Variants in CHRNA7 observed in about 807,000 individuals in gnomAD.
CHRNA7 encodes neuronal acetylcholine receptor subunit alpha-7.
A neutral mutation model predicts 48.0 loss-of-function variants in CHRNA7; 17 were observed. That is an observed-to-expected ratio of 0.35 (90% CI 0.24 to 0.53). CHRNA7 has a LOEUF of 0.53. Among genes scored for constraint, CHRNA7 ranks in the 20% least tolerant of loss-of-function variants. CHRNA7 has a pLI of 0.92. For synonymous variants in CHRNA7, 75 were observed against 242.3 expected (o/e 0.31, Z 6.41); for missense variants, 155 against 577.7 (o/e 0.27, Z 7.50).
rs148048218 is a variant in CHRNA7, at chr15:32,083,198, G to A, written c.196-18105G>A. ...TAATAGGAGGTGATTAGCTAATAAT[G>A]ATTAATATTGTTATTGTAGGAGTGA... On this transcript the variant is annotated intron_variant, in intron 2 of 9. Coordinates refer to ENST00000306901, the MANE Select transcript of CHRNA7 (RefSeq NM_000746.6). 4.4e-3 allele frequency among the ~76,000 whole-genome samples: 664 copies of A among 152,318 alleles called. 6 individuals carry two copies. The highest frequency in any genetic ancestry group is 0.012 in the Admixed American group (184 of 15,296).
chr15:32,116,698 C>G (rs901787316), intron 4 of CHRNA7, among the ~76,000 whole-genome samples: 5 of 152,248 alleles, frequency 3.3e-5, no homozygotes, highest in Non-Finnish European at 7.3e-5. Context: ...CTACACCGTG[C>G]AGAGACAGGC....
intron 2 of CHRNA7, among the ~76,000 whole-genome samples, chr15:32,088,539 A>G (rs1355201408): frequency 1.3e-5 from 2 of 152,166 alleles, no homozygotes; most frequent in Non-Finnish European, 2.9e-5. Context: ...ACCATTTTGC[A>G]TTCTTACCAG....
In CHRNA7 at chr15:32,111,783, G is replaced by A. The variant is rs745360664; in HGVS notation, c.241-7G>A. 1 of 1,558,732 alleles carries A rather than the reference G, an allele frequency of 6.4e-7. No homozygotes were observed. Among genetic ancestry groups the A allele is most frequent in the Non-Finnish European group, 8.8e-7 (1 of 1,130,784 alleles). On this transcript the variant is annotated splice_region_variant and splice_polypyrimidine_tract_variant and intron_variant, in intron 3 of 9. Transcript: ENST00000306901. The stretch of plus-strand genomic sequence containing the variant: ...TGAAGTGCTGCTAATGTCATTGTGT[G>A]TGTCAGTCTTGGACAGATCACTATT...
chr15:32,041,365 G>C (rs905662002), intron 2 of CHRNA7, among the ~76,000 whole-genome samples: 3 of 152,192 alleles, frequency 2.0e-5, no homozygotes, highest in Non-Finnish European at 4.4e-5. Flanking sequence ...TTCCACCTCA[G>C]ATTGTCAGGC....
rs1252872848 is a variant in CHRNA7 at position 32,148,345 on chromosome 15, G to A, written c.351-5562G>A. On this transcript the variant is annotated intron_variant, in intron 4 of 9. Coordinates refer to ENST00000306901, the MANE Select transcript of CHRNA7 (RefSeq NM_000746.6). ...TTTCTCTCAAGGTTATAAGAGCCGGGCTTCTGGGTCAGATGATGCTTTCTC... is the reference window on the plus strand; with the variant it reads ...TTTCTCTCAAGGTTATAAGAGCCGGACTTCTGGGTCAGATGATGCTTTCTC... Among the ~76,000 whole-genome samples, 5 of 152,122 alleles carry A rather than the reference G, an allele frequency of 3.3e-5. No homozygotes were observed. The East Asian group carries it at 9.6e-4, about 29-fold the overall frequency.
At chr15:32,066,377 G>A (rs1314746520) in intron 2 of CHRNA7, among the ~76,000 whole-genome samples, 3 of 151,998 alleles carry the variant, frequency 2.0e-5, no homozygotes, top group African/African-American at 7.2e-5. Context: ...CACCTCCTGG[G>A]TTCAAGCCAT....
chr15:32,125,500 G>C (rs76990829), intron 4 of CHRNA7, among the ~76,000 whole-genome samples: 1 of 151,914 alleles, frequency 6.6e-6, no homozygotes, highest in Non-Finnish European at 1.5e-5. Context: ...TGCTGTGCCC[G>C]GGCTGCCTAG....
intron 2 of CHRNA7, among the ~76,000 whole-genome samples, chr15:32,078,004 C>T (rs2050160344): frequency 6.6e-6 from 1 of 152,306 alleles, no homozygotes; most frequent in East Asian, 1.9e-4. Flanking sequence ...ATCAATTTTC[C>T]ATATGAGATT....
At chr15:32,152,638 T>C (rs1012827663) in intron 4 of CHRNA7, among the ~76,000 whole-genome samples, 1 of 152,148 alleles carries the variant, frequency 6.6e-6, no homozygotes, top group Admixed American at 6.5e-5. Flanking sequence ...CCCTGGGGCA[T>C]AGGGACTCTT....
chr15:32,137,384 AAAT>A (rs1388128947), intron 4 of CHRNA7, among the ~76,000 whole-genome samples: 2 of 150,570 alleles, frequency 1.3e-5, no homozygotes, highest in Non-Finnish European at 3.0e-5. Flanking sequence ...AATTAAGGTT[AAAT>A]AAGGTCAGGT....
intron 4 of CHRNA7, among the ~76,000 whole-genome samples, chr15:32,142,229 T>G (rs941544254): frequency 1.3e-5 from 2 of 152,216 alleles, no homozygotes; most frequent in African/African-American, 4.8e-5. Flanking sequence ...CATGTATTGA[T>G]TTGCATATAT....
chr15:32,079,356 C>T lies in CHRNA7; in HGVS notation c.196-21947C>T, dbSNP rs192954608. Among the ~76,000 whole-genome samples, 4 of 152,300 alleles carry T rather than the reference C, an allele frequency of 2.6e-5. No individual in the cohort carries two copies. In the East Asian group the frequency reaches 7.7e-4, roughly 29 times the overall value. ...GTATTCAAATAGGAAGAGAGGAAGT[C>T]AAATTGTCTCTGTTTGCAGATGATA... is the stretch of plus-strand genomic sequence containing the variant. On this transcript the variant is annotated intron_variant, in intron 2 of 9. Coordinates refer to ENST00000306901, the MANE Select transcript of CHRNA7 (RefSeq NM_000746.6).
chr15:32,048,584 C>G (rs1413061179), intron 2 of CHRNA7, among the ~76,000 whole-genome samples: 2 of 151,760 alleles, frequency 1.3e-5, no homozygotes, highest in East Asian at 3.9e-4. Context: ...GTCTTGCTAG[C>G]GGTCTATCAA....
chr15:32,109,324 T>C (rs1468616183), intron 3 of CHRNA7, among the ~76,000 whole-genome samples: 1 of 152,216 alleles, frequency 6.6e-6, no homozygotes, highest in Admixed American at 6.5e-5. Context: ...CGTGGCCATC[T>C]TGGTTTTGGT....
chr15:32,080,620 G>A (rs1430690563), intron 2 of CHRNA7, among the ~76,000 whole-genome samples: 4 of 152,060 alleles, frequency 2.6e-5, no homozygotes, highest in Non-Finnish European at 5.9e-5. Flanking sequence ...TCAGAATGGC[G>A]ATTATTAAAA....
At chr15:32,130,814 A>G (rs917896305) in intron 4 of CHRNA7, among the ~76,000 whole-genome samples, 2 of 151,978 alleles carry the variant, frequency 1.3e-5, no homozygotes, top group Admixed American at 6.6e-5. Context: ...CTCTCTTTCA[A>G]GAACTTCCTT....
At chr15:32,070,797 C>A (rs1224462694) in intron 2 of CHRNA7, among the ~76,000 whole-genome samples, 2 of 149,280 alleles carry the variant, frequency 1.3e-5, no homozygotes, top group Non-Finnish European at 3.0e-5. Context: ...CGCCATTCTC[C>A]TGCCTCAGCC....
chr15:32,101,894 A>G (rs2050579460), intron 3 of CHRNA7: 1 of 152,094 alleles, frequency 6.6e-6, no homozygotes, highest in Non-Finnish European at 1.5e-5. Context: ...ATCCAATTGT[A>G]AATATTAACA....
rs888440230 is a variant in CHRNA7 at position 32,035,611 on chromosome 15, G to A, written c.195+4574G>A. Among the ~76,000 whole-genome samples the A allele has an allele frequency of 2.0e-5, 3 of 152,096 alleles. No homozygotes were observed. In the East Asian group the frequency reaches 5.8e-4, roughly 29 times the overall value. Reference sequence around the variant, plus strand: ...TATGTGTTATCTGAATTCCTTTGGGGGGCCCTCTGTGTAGGTTTGCAATAT... The same window carrying A: ...TATGTGTTATCTGAATTCCTTTGGGAGGCCCTCTGTGTAGGTTTGCAATAT... On this transcript the variant is annotated intron_variant, in intron 2 of 9. Transcript: ENST00000306901.
Sources: allele counts gnomAD v4.1 joint callset (sites outside exome capture counted in the v4.1 genomes callset), GRCh38; gene constraint gnomAD v4.1.1; transcripts MANE v1.5; gene names NCBI Gene and HGNC (gene_info 2026-07-23, HGNC 2026-07-21).